Variants in PCDH9 observed in about 807,000 individuals in gnomAD.
PCDH9 encodes the protein protocadherin 9.
PCDH9 carries 24 observed loss-of-function variants against 70.6 expected under a neutral mutation model. The ratio of observed to expected loss-of-function variants is 0.34; its 90% confidence interval spans 0.25 to 0.48. The LOEUF (loss-of-function observed/expected upper bound fraction) is 0.48. PCDH9 is among the 20% of genes least tolerant of loss of function. PCDH9 has a pLI of 0.99. For synonymous variants in PCDH9, 562 were observed against 558.5 expected (o/e 1.01, Z -0.09); for missense variants, 1,281 against 1,503.6 (o/e 0.85, Z 2.45).
At chr13:66,591,890 T>C (rs1401888469) in intron 4 of PCDH9, among the ~76,000 whole-genome samples, 1 of 151,642 alleles carries the variant, frequency 6.6e-6, no homozygotes, top group Non-Finnish European at 1.5e-5. Flanking sequence ...CATTACATTA[T>C]AACATTACAA....
chr13:66,484,770 G>T (rs1958911354), intron 4 of PCDH9, among the ~76,000 whole-genome samples: 2 of 152,072 alleles, frequency 1.3e-5, no homozygotes, highest in Admixed American at 6.5e-5. Flanking sequence ...ACTCTGTCCT[G>T]GGAATATCGC....
At chr13:66,323,713 A>G (rs1327514539) in intron 4 of PCDH9, among the ~76,000 whole-genome samples, 1 of 150,608 alleles carries the variant, frequency 6.6e-6, no homozygotes, top group Admixed American at 6.6e-5. Flanking sequence ...CTATGGCGGC[A>G]TCACATCTTA....
At chr13:67,034,877 C>A (rs1594421251) in intron 2 of PCDH9, among the ~76,000 whole-genome samples, 2 of 151,340 alleles carry the variant, frequency 1.3e-5, no homozygotes, top group East Asian at 3.9e-4. Context: ...AAAGTTTAGA[C>A]AATTTGCATA....
chr13:66,604,863 A>C (rs978011960), intron 4 of PCDH9, among the ~76,000 whole-genome samples: 3 of 151,944 alleles, frequency 2.0e-5, no homozygotes, highest in African/African-American at 4.8e-5. Flanking sequence ...CAATAGCTAC[A>C]TCACTTTCTG....
chr13:66,483,971 G>T (rs1204178095), intron 4 of PCDH9, among the ~76,000 whole-genome samples: 3 of 152,048 alleles, frequency 2.0e-5, no homozygotes, highest in Non-Finnish European at 4.4e-5. Context: ...ATGCCTGCAG[G>T]CCATCAACCG....
chr13:66,651,626 A>C (rs962566091), intron 3 of PCDH9, among the ~76,000 whole-genome samples: 2 of 151,976 alleles, frequency 1.3e-5, no homozygotes, highest in Non-Finnish European at 2.9e-5. Context: ...TATTCCAAAA[A>C]ATAGATGAGG....
intron 4 of PCDH9, among the ~76,000 whole-genome samples, chr13:66,469,469 G>T (rs947312117): frequency 2.6e-5 from 3 of 115,840 alleles, no homozygotes; most frequent in Non-Finnish European, 6.1e-5. Flanking sequence ...AGGGAGGGAG[G>T]GGGGAAGGAA....
intron 4 of PCDH9, among the ~76,000 whole-genome samples, chr13:66,565,916 A>G (rs2138724027): frequency 6.6e-6 from 1 of 152,302 alleles, no homozygotes; most frequent in African/African-American, 2.4e-5. Context: ...AAAATGATGG[A>G]AAGAGCCTAA....
chr13:66,622,147 T>G (rs1030021038), intron 4 of PCDH9, among the ~76,000 whole-genome samples: 1 of 152,220 alleles, frequency 6.6e-6, no homozygotes, highest in Non-Finnish European at 1.5e-5. Context: ...CCACGGGCAC[T>G]GCACTCGATT....
chr13:66,580,810 A>G (rs1340425607), intron 4 of PCDH9, among the ~76,000 whole-genome samples: 3 of 152,080 alleles, frequency 2.0e-5, no homozygotes, highest in Non-Finnish European at 4.4e-5. Flanking sequence ...AATTGCCACA[A>G]TAATTTTGAC....
chr13:67,088,350 AT>A (rs1359560201), intron 2 of PCDH9, among the ~76,000 whole-genome samples: 1 of 152,000 alleles, frequency 6.6e-6, no homozygotes, highest in East Asian at 1.9e-4. Flanking sequence ...CAGGCCATAC[AT>A]TCACTCACCA....
chr13:66,984,131 T>C (rs574256574), intron 2 of PCDH9, among the ~76,000 whole-genome samples: 6 of 152,094 alleles, frequency 3.9e-5, no homozygotes, highest in East Asian at 1.9e-4. Context: ...TGAAAACAGA[T>C]GTAAATGAAA....
chr13:66,504,031 C>A (rs911426219), intron 4 of PCDH9, among the ~76,000 whole-genome samples: 2 of 152,172 alleles, frequency 1.3e-5, no homozygotes, highest in Admixed American at 6.5e-5. Flanking sequence ...CATCAATATG[C>A]TAAGGACAGA....
chr13:66,676,603 G>GT (rs895261051), intron 3 of PCDH9, among the ~76,000 whole-genome samples: 1 of 152,052 alleles, frequency 6.6e-6, no homozygotes, highest in Admixed American at 6.6e-5. Context: ...ACCTACGCCT[G>GT]TTACCCCCAA....
intron 2 of PCDH9, among the ~76,000 whole-genome samples, chr13:67,185,057 G>C (rs1413495863): frequency 6.6e-6 from 1 of 152,122 alleles, no homozygotes; most frequent in Non-Finnish European, 1.5e-5. Flanking sequence ...CAATGCCCTG[G>C]AGAGCAGTGA....
At chr13:67,211,645 A>G (rs537884214) in intron 2 of PCDH9, 1 of 152,268 alleles carries the variant, frequency 6.6e-6, no homozygotes, top group South Asian at 2.1e-4. Context: ...CTAAATTTTC[A>G]GGATATGTAT....
intron 4 of PCDH9, among the ~76,000 whole-genome samples, chr13:66,523,776 A>G (rs1960098170): frequency 1.3e-5 from 2 of 152,090 alleles, no homozygotes; most frequent in African/African-American, 4.8e-5. Flanking sequence ...TAACTGGATC[A>G]AGTAATTTCT....
rs530296020 is a variant in PCDH9 at position 66,893,009 on chromosome 13, G to A, written c.3138+10495C>T. Among the ~76,000 whole-genome samples, 16 of 152,152 alleles carry A rather than the reference G, an allele frequency of 1.1e-4. 1 individual carries two copies. In the South Asian group the frequency reaches 1.2e-3, roughly 12 times the overall value. On this transcript the variant is annotated intron_variant, in intron 3 of 4. Transcript: ENST00000377865. ...TCTGTTTAATCACATAGGATCATGC[G>A]TGACCTAGGCCAGTATTCTCCAAAA...
intron 3 of PCDH9, among the ~76,000 whole-genome samples, chr13:66,837,430 G>A (rs1006009730): frequency 1.3e-5 from 2 of 152,098 alleles, no homozygotes; most frequent in East Asian, 1.9e-4. Context: ...AAAAACATAC[G>A]GTGGAGCGGG....
Sources: gnomAD v4.1 joint callset for allele counts (sites outside exome capture counted in the v4.1 genomes callset) on GRCh38, gnomAD v4.1.1 for gene constraint, MANE v1.5 for transcripts, NCBI Gene and HGNC (gene_info 2026-07-23, HGNC 2026-07-21) for gene names.